PSD2: variants seen among roughly 807,000 people sequenced by gnomAD.
PSD2 encodes PH and SEC7 domain-containing protein 2.
Under a neutral mutation model 69.8 loss-of-function variants are expected in PSD2, and 38 were observed. The ratio of observed to expected loss-of-function variants is 0.54; its 90% CI spans 0.42 to 0.71. PSD2 has a LOEUF of 0.71. PSD2 is among the 30% of genes least tolerant of loss of function. PSD2 has a pLI of 0.00. For synonymous variants in PSD2, 412 were observed against 423.0 expected (o/e 0.97, Z 0.32); for missense variants, 943 against 1,014.5 (o/e 0.93, Z 0.96).
chr5:139,834,529 G>A (rs372970500), intron 8 of PSD2, among the ~76,000 whole-genome samples: 1 of 151,304 alleles, frequency 6.6e-6, no homozygotes, highest in East Asian at 1.9e-4. Context: ...ACAAACTCCT[G>A]GGCTCAAGCA....
intron 9 of PSD2, 90 bp downstream of exon 9, chr5:139,835,856 C>T: frequency 7.8e-7 from 1 of 1,274,856 alleles, no homozygotes; most frequent in Non-Finnish European, 1.1e-6. Context: ...TGACCACTCT[C>T]CATGGTGCTG....
chr5:139,792,907 C>CTTCT (rs1469562459), upstream of PSD2, among the ~76,000 whole-genome samples: 1 of 101,190 alleles, frequency 9.9e-6, no homozygotes, highest in African/African-American at 3.8e-5. Context: ...TCCTTCCTTC[C>CTTCT]TTCTTTCTTT....
At chr5:139,806,381 G>T (rs1759807481) in intron 1 of PSD2, among the ~76,000 whole-genome samples, 1 of 152,200 alleles carries the variant, frequency 6.6e-6, no homozygotes, top group African/African-American at 2.4e-5. Flanking sequence ...GAAACTGGGG[G>T]CTCATTCTGC....
At chr5:139,840,841 C>T (rs1246452369) in intron 14 of PSD2, among the ~76,000 whole-genome samples, 5 of 152,120 alleles carry the variant, frequency 3.3e-5, no homozygotes, top group Non-Finnish European at 2.9e-5. Context: ...TGTGAGCCAC[C>T]ACGCCCGGCC....
the PSD2 span, among the ~76,000 whole-genome samples, chr5:139,752,973 C>A: frequency 6.6e-6 from 1 of 152,076 alleles, no homozygotes; most frequent in African/African-American, 2.4e-5. Flanking sequence ...ATGCACAGGC[C>A]CCTTTGAGGG....
At chr5:139,767,948 C>A in the PSD2 span, among the ~76,000 whole-genome samples, 1 of 152,230 alleles carries the variant, frequency 6.6e-6, no homozygotes, top group Non-Finnish European at 1.5e-5. Context: ...AGGATGAGTT[C>A]CAGAGTCCTC....
upstream of PSD2, among the ~76,000 whole-genome samples, chr5:139,792,482 A>C (rs1759430942): frequency 6.6e-6 from 1 of 152,032 alleles, no homozygotes; most frequent in African/African-American, 2.4e-5. Flanking sequence ...GCCAGGCGGT[A>C]AACCATGGGA....
rs898128979 is a variant in PSD2, at chr5:139,839,696, G to A, written c.1969-331G>A. 1.1e-4 allele frequency among the ~76,000 whole-genome samples: 16 copies of A among 152,254 alleles called. No homozygotes were observed. Among genetic ancestry groups the A allele is most frequent in the African/African-American group, 3.9e-4 (16 of 41,460 alleles). ...TGTGTGCACATGGGAGTGCATATGA[G>A]CTGGGTTTTGTGTGGGGGTCATTGT... On this transcript the variant is annotated intron_variant, in intron 13 of 14. Coordinates refer to ENST00000274710, the MANE Select transcript of PSD2 (RefSeq NM_032289.4). This position sits in a 1 kb window ranked among gnomAD's most constrained non-coding sequence, Gnocchi z 5.1.
At chr5:139,775,041 G>T in the PSD2 span, among the ~76,000 whole-genome samples, 1 of 152,034 alleles carries the variant, frequency 6.6e-6, no homozygotes. Context: ...GCCATTGGCC[G>T]CCCCAGCCAA....
chr5:139,821,655 TC>T (rs1286478778), intron 5 of PSD2, among the ~76,000 whole-genome samples: 1 of 152,132 alleles, frequency 6.6e-6, no homozygotes, highest in African/African-American at 2.4e-5. Context: ...TTTCAGAAGG[TC>T]CCTGGAGGGC....
At chr5:139,774,493 T>C in the PSD2 span, among the ~76,000 whole-genome samples, 1 of 151,980 alleles carries the variant, frequency 6.6e-6, no homozygotes, top group African/African-American at 2.4e-5. Context: ...CTTTCTTGCT[T>C]TTCTTTTCTT....
chr5:139,767,740 A>T, the PSD2 span, among the ~76,000 whole-genome samples: 2 of 152,258 alleles, frequency 1.3e-5, no homozygotes, highest in East Asian at 1.9e-4. Context: ...AATAACAATG[A>T]TTGGAGCTGT....
chr5:139,841,650 A>G (rs1204822883), intron 14 of PSD2, among the ~76,000 whole-genome samples: 1 of 152,158 alleles, frequency 6.6e-6, no homozygotes, highest in Non-Finnish European at 1.5e-5. Flanking sequence ...GGTTCTGTCT[A>G]TTTCTCCATA....
the PSD2 span, among the ~76,000 whole-genome samples, chr5:139,757,423 T>G: frequency 6.6e-6 from 1 of 152,204 alleles, no homozygotes; most frequent in Admixed American, 6.5e-5. Context: ...AAGGGTGTTT[T>G]GAGCATCAGA....
Position 139,813,562 on chromosome 5 carries a change from A to T in PSD2, c.625A>T (p.Met209Leu). 2 of 1,612,266 alleles carry T rather than the reference A, an allele frequency of 1.2e-6. No individual in the cohort carries two copies. The highest frequency in any genetic ancestry group is 8.5e-7 in the Non-Finnish European group (1 of 1,178,540). The change falls in exon 3 of 15, where the codon ATG (methionine) becomes TTG (leucine). Residue 209 changes from methionine (M) to leucine (L), a missense_variant. By Grantham distance (15) the Met-to-Leu change is conservative. Transcript: ENST00000274710. ...TGGGGACATGGCGTTTGAGGGGGACATGGGGGCAGCTGGTGGTGATGGGGA... is the reference window on the plus strand; with the variant it reads ...TGGGGACATGGCGTTTGAGGGGGACTTGGGGGCAGCTGGTGGTGATGGGGA... Reference protein sequence around the residue: ...GIGDMAFEGDMGAAGGDGELG... With the variant: ...GIGDMAFEGDLGAAGGDGELG...
the PSD2 span, among the ~76,000 whole-genome samples, chr5:139,748,628 G>A: frequency 6.6e-6 from 1 of 152,150 alleles, no homozygotes; most frequent in Admixed American, 6.5e-5. Flanking sequence ...ATGTCCGCGC[G>A]GGTGGGCGCC....
At chr5:139,752,380 T>C in the PSD2 span, among the ~76,000 whole-genome samples, 1 of 152,124 alleles carries the variant, frequency 6.6e-6, no homozygotes, top group Non-Finnish European at 1.5e-5. Flanking sequence ...CAGCATGCAC[T>C]GTCACCTGGG....
the PSD2 span, among the ~76,000 whole-genome samples, chr5:139,766,771 T>C: frequency 1.3e-5 from 2 of 152,200 alleles, no homozygotes; most frequent in Non-Finnish European, 2.9e-5. Flanking sequence ...GGCATCAGGA[T>C]AGTAAGGTGA....
chr5:139,791,627 A>G (rs908789122), upstream of PSD2, among the ~76,000 whole-genome samples: 1 of 152,174 alleles, frequency 6.6e-6, no homozygotes, highest in African/African-American at 2.4e-5. Context: ...ACAAAAAACA[A>G]AAAACAAAAA....
Sources: allele counts gnomAD v4.1 joint callset (sites outside exome capture counted in the v4.1 genomes callset), GRCh38; gene constraint gnomAD v4.1.1; non-coding constraint Gnocchi (gnomAD v3.1); transcripts MANE v1.5; gene names NCBI Gene and HGNC (gene_info 2026-07-23, HGNC 2026-07-21).